KLF13: variants seen among roughly 807,000 people sequenced by gnomAD.
KLF13 encodes the protein KLF transcription factor 13, also known as Krueppel-like factor 13.
A neutral mutation model predicts 16.7 loss-of-function variants in KLF13; 8 were observed. The ratio of observed to expected loss-of-function variants is 0.48; its 90% CI spans 0.28 to 0.87. KLF13 has a LOEUF of 0.87. KLF13 is among the 40% of genes least tolerant of loss of function. The pLI, the probability that KLF13 is intolerant of heterozygous loss-of-function variation, is 0.10. For missense variants in KLF13, 447 were observed against 452.2 expected (o/e 0.99, Z 0.10); for synonymous variants, 245 against 208.4 (o/e 1.18, Z -1.51).
intron 1 of KLF13, among the ~76,000 whole-genome samples, chr15:31,432,292 A>G (rs1374260851): frequency 6.6e-6 from 1 of 151,944 alleles, no homozygotes; most frequent in Non-Finnish European, 1.5e-5. Context: ...CTATCTAGAC[A>G]TGGCCTCTGC....
chr15:31,347,477 G>T (rs894498166), intron 1 of KLF13, among the ~76,000 whole-genome samples: 1 of 152,218 alleles, frequency 6.6e-6, no homozygotes. Flanking sequence ...CCCTCAGGGG[G>T]CTGGGCTGGG....
downstream of KLF13, among the ~76,000 whole-genome samples, chr15:31,381,171 C>CAAAAAA (rs398043115): frequency 0.61 from 73,164 of 119,648 alleles, 22,319 homozygotes; most frequent in South Asian, 0.75. Context: ...GACTCTGTCT[C>CAAAAAA]AAAAAAAAAA....
intron 1 of KLF13, among the ~76,000 whole-genome samples, chr15:31,363,795 T>G (rs1257739091): frequency 6.6e-6 from 1 of 152,238 alleles, no homozygotes; most frequent in Non-Finnish European, 1.5e-5. Flanking sequence ...CTTTAGTCTT[T>G]TCTTTTATGG....
upstream of KLF13, among the ~76,000 whole-genome samples, chr15:31,390,794 A>C (rs1225390170): frequency 6.6e-6 from 1 of 151,286 alleles, no homozygotes; most frequent in Non-Finnish European, 1.5e-5. Context: ...TGTGTCCCTT[A>C]TCTCTGTGTT....
chr15:31,338,283 T>C (rs553554727), intron 1 of KLF13, among the ~76,000 whole-genome samples: 4 of 152,248 alleles, frequency 2.6e-5, no homozygotes, highest in African/African-American at 4.8e-5. Context: ...CCTTGGAAGA[T>C]GGACATTTAT....
chr15:31,435,003 A>C (rs1222670508), intron 1 of KLF13, among the ~76,000 whole-genome samples: 2 of 152,240 alleles, frequency 1.3e-5, no homozygotes, highest in African/African-American at 4.8e-5. Flanking sequence ...CGGACTTGTC[A>C]GAAATATTCC....
chr15:31,386,165 G>C (rs1206379965), intron 1 of KLF13, among the ~76,000 whole-genome samples: 1 of 152,214 alleles, frequency 6.6e-6, no homozygotes, highest in Admixed American at 6.5e-5. Context: ...GAAAAGAAAA[G>C]TTGGAAGCTA....
chr15:31,353,347 G>A (rs998003021), intron 1 of KLF13, among the ~76,000 whole-genome samples: 3 of 152,140 alleles, frequency 2.0e-5, no homozygotes, highest in African/African-American at 7.2e-5. Context: ...AACCGTAGCT[G>A]CAGGTGCTCT....
At chr15:31,410,999 A>G (rs2040187334) in intron 1 of KLF13, among the ~76,000 whole-genome samples, 2 of 152,246 alleles carry the variant, frequency 1.3e-5, no homozygotes, top group South Asian at 4.1e-4. Context: ...TTCTATCTAT[A>G]AAGAAATTAG....
In KLF13 at chr15:31,327,938, C is replaced by A. The variant is rs557608609; in HGVS notation, c.577+149C>A. 8,840 of 961,154 alleles carry A rather than the reference C, an allele frequency of 9.2e-3. 622 individuals carry two copies. In the African/African-American group the frequency reaches 0.14, roughly 16 times the overall value. The allele number at this position is 961,154 out of a possible 1,614,324, so 59.5% of individuals were successfully genotyped here. ...CTCGCCCCTTCCCCTGCCGCTCCGA[C>A]CCGCGGCTGGCCCCGCGCGTCGCGC... On this transcript the variant is annotated intron_variant, in intron 1 of 1. Transcript: ENST00000307145.
intron 2 of KLF13, among the ~76,000 whole-genome samples, chr15:31,397,850 T>C (rs2039974840): frequency 6.9e-6 from 1 of 144,794 alleles, no homozygotes; most frequent in African/African-American, 2.6e-5. Context: ...GTCTGCAGAC[T>C]TCTCTGGTCT....
chr15:31,398,199 T>G (rs980587135), intron 2 of KLF13, among the ~76,000 whole-genome samples: 3 of 151,932 alleles, frequency 2.0e-5, no homozygotes, highest in Non-Finnish European at 2.9e-5. Flanking sequence ...ATTGGTGGTG[T>G]TTTCAGAGAT....
chr15:31,368,356 G>A (rs11637710), intron 1 of KLF13, among the ~76,000 whole-genome samples: 2,987 of 152,188 alleles, frequency 0.02, 68 homozygotes, highest in African/African-American at 0.051. Context: ...ACTAGTGTGC[G>A]TTGTGAATCT....
downstream of KLF13, among the ~76,000 whole-genome samples, chr15:31,405,095 A>T (rs2040103806): frequency 6.6e-6 from 1 of 152,182 alleles, no homozygotes; most frequent in Non-Finnish European, 1.5e-5. Context: ...TATTAGGAGG[A>T]GGAAACTTTG....
intron 1 of KLF13, among the ~76,000 whole-genome samples, chr15:31,359,146 G>C (rs2039343813): frequency 6.6e-6 from 1 of 152,180 alleles, no homozygotes; most frequent in African/African-American, 2.4e-5. Flanking sequence ...TGTGGCAAGG[G>C]GCCGATATAC....
At chr15:31,427,249 A>G (rs1454807302) in intron 1 of KLF13, among the ~76,000 whole-genome samples, 1 of 152,190 alleles carries the variant, frequency 6.6e-6, no homozygotes, top group Non-Finnish European at 1.5e-5. Context: ...GATGCACAGC[A>G]TCACTAGTCA....
intron 1 of KLF13, among the ~76,000 whole-genome samples, chr15:31,385,246 C>T (rs879486039): frequency 1.3e-5 from 2 of 152,200 alleles, no homozygotes; most frequent in Non-Finnish European, 2.9e-5. Context: ...TTAGTTTTAG[C>T]AGCCTGAACT....
In KLF13 at chr15:31,397,212, G is replaced by C. The variant is rs946422093; in HGVS notation, n.529+3521G>C. On this transcript the variant is annotated intron_variant and non_coding_transcript_variant, in intron 2 of 2. Transcript: ENST00000500533. ...GGCCCTGAGGCCAAGAGGGTGTCCA[G>C]GTTCAGGGTGGGGCGGGGTGGGGTG... Among the ~76,000 whole-genome samples, 18 of 143,936 alleles carry C rather than the reference G, an allele frequency of 1.3e-4. No homozygotes were observed. The South Asian group carries it at 3.1e-3, about 25-fold the overall frequency. The allele number at this position is 143,936 out of a possible 152,430, so 94.4% of individuals were successfully genotyped here.
intron 1 of KLF13, among the ~76,000 whole-genome samples, chr15:31,360,619 G>C (rs2039368060): frequency 6.6e-6 from 1 of 152,144 alleles, no homozygotes; most frequent in Admixed American, 6.5e-5. Flanking sequence ...GGGCTTTCTA[G>C]CTCCTCCCTG....
Sources: gnomAD v4.1 joint callset for allele counts (sites outside exome capture counted in the v4.1 genomes callset) on GRCh38, gnomAD v4.1.1 for gene constraint, MANE v1.5 for transcripts, NCBI Gene and HGNC (gene_info 2026-07-23, HGNC 2026-07-21) for gene names.